Variants in DOCK3 observed in about 807,000 individuals in gnomAD.
The protein encoded by DOCK3 is dedicator of cytokinesis protein 3.
In DOCK3, 60 loss-of-function variants were observed where a neutral mutation model predicts 265.6. The observed-to-expected ratio is 0.23, with a 90% CI of 0.18 to 0.28. DOCK3 has a LOEUF of 0.28. DOCK3 is among the 10% of genes least tolerant of loss of function. DOCK3 has a pLI of 1.00. For missense variants in DOCK3, 1,981 were observed against 2,594.3 expected, an observed-to-expected ratio of 0.76 and a Z score of 5.14; for synonymous variants, 881 against 938.0, an observed-to-expected ratio of 0.94 and a Z score of 1.11.
intron 2 of DOCK3, among the ~76,000 whole-genome samples, chr3:50,796,062 A>G (rs978436359): frequency 1.0e-4 from 15 of 150,330 alleles, no homozygotes; most frequent in African/African-American, 3.7e-4. Flanking sequence ...TTTTTTTCAG[A>G]CGGAGTCTGG....
intron 4 of DOCK3, among the ~76,000 whole-genome samples, chr3:50,914,906 G>C (rs1461379745): frequency 6.6e-6 from 1 of 152,066 alleles, no homozygotes; most frequent in Non-Finnish European, 1.5e-5. Context: ...ATTTGCAGTG[G>C]TGCTGGGTTC....
intron 1 of DOCK3, among the ~76,000 whole-genome samples, chr3:50,696,742 G>A (rs536583374): frequency 1.3e-5 from 2 of 152,060 alleles, no homozygotes; most frequent in African/African-American, 4.8e-5. Context: ...TGGGAAACCC[G>A]CATATGCACA....
chr3:51,011,539 A>G (rs371915474), intron 5 of DOCK3, among the ~76,000 whole-genome samples: 1 of 152,072 alleles, frequency 6.6e-6, no homozygotes, highest in Non-Finnish European at 1.5e-5. Context: ...TCTTTTTTCA[A>G]GGTTTTTAGC....
At chr3:51,185,711 G>A (rs187377212) in intron 12 of DOCK3, among the ~76,000 whole-genome samples, 4 of 152,210 alleles carry the variant, frequency 2.6e-5, no homozygotes, top group South Asian at 2.1e-4. Flanking sequence ...TCATGGGGGC[G>A]GGTCTTTCCC....
intron 32 of DOCK3, among the ~76,000 whole-genome samples, chr3:51,326,420 C>G (rs1474103127): frequency 6.6e-6 from 1 of 151,292 alleles, no homozygotes; most frequent in Non-Finnish European, 1.5e-5. Flanking sequence ...GCCACCACAC[C>G]CAGCTAATTT....
At chr3:51,307,650 G>T (rs1172195756) in intron 27 of DOCK3, among the ~76,000 whole-genome samples, 1 of 151,920 alleles carries the variant, frequency 6.6e-6, no homozygotes, top group Non-Finnish European at 1.5e-5. Context: ...GAGCCTCAAG[G>T]TCAGCACAGG....
chr3:50,900,663 T>C, intron 4 of DOCK3: 1 of 450,650 alleles, frequency 2.2e-6, no homozygotes, highest in South Asian at 1.6e-5. Flanking sequence ...GGTTTCTGTA[T>C]GGACCTCCTT....
intron 5 of DOCK3, among the ~76,000 whole-genome samples, chr3:50,938,481 A>G (rs2051517049): frequency 6.6e-6 from 1 of 152,300 alleles, no homozygotes; most frequent in South Asian, 2.1e-4. Flanking sequence ...TTTTCAGTCA[A>G]ACATGTTCAT....
chr3:50,933,501 A>G (rs931468202), intron 4 of DOCK3, among the ~76,000 whole-genome samples: 2 of 152,212 alleles, frequency 1.3e-5, no homozygotes, highest in Non-Finnish European at 2.9e-5. Context: ...TACCAATATA[A>G]GGGAGTATGC....
intron 9 of DOCK3, among the ~76,000 whole-genome samples, chr3:51,098,710 T>C (rs1234342200): frequency 2.6e-5 from 4 of 152,224 alleles, no homozygotes; most frequent in African/African-American, 9.6e-5. Context: ...CCCCATCGTA[T>C]AGTCTAGCCT....
intron 5 of DOCK3, among the ~76,000 whole-genome samples, chr3:51,057,465 G>A (rs1480618743): frequency 1.3e-5 from 2 of 152,200 alleles, no homozygotes; most frequent in African/African-American, 2.4e-5. Context: ...ACAGGAAATA[G>A]GGATGATTGT....
chr3:50,947,926 G>T (rs1412987042), intron 5 of DOCK3, among the ~76,000 whole-genome samples: 1 of 148,908 alleles, frequency 6.7e-6, no homozygotes, highest in Non-Finnish European at 1.5e-5. Context: ...CGCTATCTAG[G>T]CTCACTGCAA....
intron 2 of DOCK3, among the ~76,000 whole-genome samples, chr3:50,813,340 A>G (rs2043874291): frequency 6.6e-6 from 1 of 152,196 alleles, no homozygotes. Flanking sequence ...GTTTGAGACC[A>G]GCCTGGGCAA....
At chr3:50,861,015 A>G (rs1019495722) in intron 3 of DOCK3, among the ~76,000 whole-genome samples, 3 of 152,202 alleles carry the variant, frequency 2.0e-5, no homozygotes, top group African/African-American at 7.2e-5. Context: ...CCGAGACTCT[A>G]CGTAGCTCAG....
chr3:50,863,189 C>G (rs1238142540), intron 3 of DOCK3, among the ~76,000 whole-genome samples: 1 of 152,128 alleles, frequency 6.6e-6, no homozygotes, highest in Non-Finnish European at 1.5e-5. Context: ...TTGTCAAAGT[C>G]ACAGTGGATT....
At chr3:51,027,758 C>A (rs2079881371) in intron 5 of DOCK3, among the ~76,000 whole-genome samples, 1 of 151,912 alleles carries the variant, frequency 6.6e-6, no homozygotes. Flanking sequence ...GGAATAGCAC[C>A]CCCTTCCCCT....
intron 51 of DOCK3, among the ~76,000 whole-genome samples, chr3:51,377,693 G>A (rs978932386): frequency 1.5e-4 from 23 of 152,216 alleles, no homozygotes; most frequent in Non-Finnish European, 2.9e-5. Flanking sequence ...AGGCTGCAGG[G>A]CAAACTTGAT....
chr3:51,101,002 G>A (rs1459159898), intron 9 of DOCK3, among the ~76,000 whole-genome samples: 1 of 149,618 alleles, frequency 6.7e-6, no homozygotes, highest in Non-Finnish European at 1.5e-5. Flanking sequence ...ATGACATCTT[G>A]CTATGTTGCC....
At chr3:50,978,520 G>A (rs530324328) in intron 5 of DOCK3, among the ~76,000 whole-genome samples, 4 of 152,168 alleles carry the variant, frequency 2.6e-5, no homozygotes, top group South Asian at 2.1e-4. Context: ...CTCCAGCTGC[G>A]TACTGGGAGA....
Sources: allele counts gnomAD v4.1 joint callset (sites outside exome capture counted in the v4.1 genomes callset), GRCh38; gene constraint gnomAD v4.1.1; transcripts MANE v1.5; gene names NCBI Gene and HGNC (gene_info 2026-07-23, HGNC 2026-07-21).